ZNF518A: variants seen among roughly 807,000 people sequenced by gnomAD.
The protein encoded by ZNF518A is zinc finger protein 518.
Under a neutral mutation model 102.7 loss-of-function variants are expected in ZNF518A, and 47 were observed. The ratio of observed to expected loss-of-function variants is 0.46; its 90% CI spans 0.36 to 0.58. The LOEUF (loss-of-function observed/expected upper bound fraction) is 0.58, where lower values mean the gene tolerates loss of function less well. Ranked by LOEUF, ZNF518A falls within the 20% of genes least tolerant of loss-of-function variation. ZNF518A has a pLI of 0.00. For missense variants in ZNF518A, 1,793 were observed against 1,699.8 expected (o/e 1.05, Z -0.96); for synonymous variants, 652 against 594.6 (o/e 1.10, Z -1.40).
intron 1 of ZNF518A, among the ~76,000 whole-genome samples, chr10:96,178,056 T>G (rs1374390408): frequency 6.6e-6 from 1 of 152,110 alleles, no homozygotes; most frequent in African/African-American, 2.4e-5. Flanking sequence ...TCTCAGTAAT[T>G]GATAGAACAA....
At chr10:96,189,540 C>T (rs1221813492) in intron 1 of ZNF518A, 18 of 654,602 alleles carry the variant, frequency 2.7e-5, no homozygotes, top group Non-Finnish European at 4.0e-5. Flanking sequence ...TGGTGTTTTA[C>T]GAGTTTTTTC....
Position 96,160,419 on chromosome 10 carries a change from CTA to C in ZNF518A, c.4099_4100del (p.Ile1367CysfsTer2). The C allele has an allele frequency of 6.2e-7, 1 of 1,613,056 alleles. No homozygotes were observed. The highest frequency in any genetic ancestry group is 8.5e-7 in the Non-Finnish European group (1 of 1,179,512). On this transcript the variant is annotated frameshift_variant, in exon 6 of 6. Transcript: ENST00000316045. LOFTEE classifies it high-confidence loss of function. ...CCAGAAGTAGTAAGTGTAATGAAAA[CTA>C]TTGCTAAATTTAATGGACATGTACT... is the stretch of plus-strand genomic sequence containing the variant.
chr10:96,183,207 T>C (rs2083250415), intron 1 of ZNF518A, among the ~76,000 whole-genome samples: 1 of 152,226 alleles, frequency 6.6e-6, no homozygotes, highest in South Asian at 2.1e-4. Context: ...TTGATTCTTC[T>C]CTGTTCTTTA....
In ZNF518A at chr10:96,163,234, A is replaced by C. The variant is rs2083066928; in HGVS notation, c.*2460A>C. 1 of 166,860 alleles carries C rather than the reference A, an allele frequency of 6.0e-6. No individual in the cohort carries two copies. 10.3% of individuals were successfully genotyped at this position (166,860 alleles called of 1,614,324 possible). A position where few individuals can be genotyped will look rare whatever the true frequency, so the allele number is the denominator to read the frequency against. Reference sequence around the variant, plus strand: ...GAACTTTTTCTGATTTTGTTAACTTAAGTTATTCTGAGGGAGGCAGACCTG... The same window carrying C: ...GAACTTTTTCTGATTTTGTTAACTTCAGTTATTCTGAGGGAGGCAGACCTG... On this transcript the variant is annotated 3_prime_UTR_variant, in exon 6 of 6. Coordinates refer to ENST00000316045, the MANE Select transcript of ZNF518A (RefSeq NM_001330736.2).
At chr10:96,190,474 C>T (rs2083311202) in intron 1 of ZNF518A, among the ~76,000 whole-genome samples, 1 of 152,190 alleles carries the variant, frequency 6.6e-6, no homozygotes, top group East Asian at 1.9e-4. Context: ...AATAAGGTCA[C>T]ATTCTGAGAT....
At chr10:96,149,711 C>T (rs1164494643) in intron 3 of ZNF518A, among the ~76,000 whole-genome samples, 1 of 152,090 alleles carries the variant, frequency 6.6e-6, no homozygotes, top group Non-Finnish European at 1.5e-5. Context: ...TGCTATTGCT[C>T]CCTCTTCTGT....
rs782736210 is a variant in ZNF518A at position 96,191,969 on chromosome 10, C to G, written n.36-11605C>G. On this transcript the variant is annotated intron_variant and non_coding_transcript_variant, in intron 1 of 2. Transcript: ENST00000442635. ...GCAATGGTATTGATCTTTTTTTTCC[C>G]CCTTTATGAAACTTTAACTGCATAC... is the stretch of plus-strand genomic sequence containing the variant. 3 of 1,612,948 alleles carry G rather than the reference C, an allele frequency of 1.9e-6. No individual in the cohort carries two copies. The South Asian group carries it at 3.3e-5, about 18-fold the overall frequency.
At chr10:96,199,807 T>A (rs1343798513) in intron 1 of ZNF518A, among the ~76,000 whole-genome samples, 2 of 152,056 alleles carry the variant, frequency 1.3e-5, no homozygotes, top group African/African-American at 4.8e-5. Context: ...GCAGATCAAC[T>A]GAGGTCAGGA....
chr10:96,200,124 C>G lies in ZNF518A; in HGVS notation n.36-3450C>G. On this transcript the variant is annotated intron_variant and non_coding_transcript_variant, in intron 1 of 2. Coordinates refer to the ZNF518A transcript ENST00000442635. This position sits in a 1 kb window ranked among gnomAD's most constrained non-coding sequence, Gnocchi z 4.3. ...TTCAGCAGACTTTCGATCACAGGCT[C>G]CAGCATACCATGGCTTGCAGAGAAC... 1 of 1,614,094 alleles carries G rather than the reference C, an allele frequency of 6.2e-7. No homozygotes were observed. The highest frequency in any genetic ancestry group is 1.1e-5 in the South Asian group (1 of 91,068).
At chr10:96,181,883 G>T (rs973259717) in intron 1 of ZNF518A, among the ~76,000 whole-genome samples, 2 of 152,148 alleles carry the variant, frequency 1.3e-5, no homozygotes, top group African/African-American at 4.8e-5. Flanking sequence ...GAAAGTCATT[G>T]GTAGCTTGAT....
At chr10:96,166,223 C>A (rs2083139474), downstream of ZNF518A, among the ~76,000 whole-genome samples, 1 of 152,154 alleles carries the variant, frequency 6.6e-6, no homozygotes, top group African/African-American at 2.4e-5. Flanking sequence ...GTGGGCAAAT[C>A]TTCCCCATTC....
chr10:96,165,344 G>T (rs966919750), downstream of ZNF518A, among the ~76,000 whole-genome samples: 2 of 152,044 alleles, frequency 1.3e-5, no homozygotes, highest in African/African-American at 4.8e-5. Flanking sequence ...CTGACCTCAA[G>T]TGATTCACCT....
At chr10:96,133,541 A>T (rs1778359714) in intron 2 of ZNF518A, 42 bp from the exon 3 acceptor site, 1 of 152,178 alleles carries the variant, frequency 6.6e-6, no homozygotes, top group African/African-American at 2.4e-5. Flanking sequence ...TGTTTTTTCT[A>T]CCCTCAAAAC....
chr10:96,142,339 TG>T (rs1554876861), intron 3 of ZNF518A, among the ~76,000 whole-genome samples: 4 of 151,578 alleles, frequency 2.6e-5, no homozygotes, highest in Admixed American at 6.6e-5. Flanking sequence ...TGTGTGTGTG[TG>T]TGTGTGTGTG....
At chr10:96,152,109 C>T (rs1477972948) in intron 3 of ZNF518A, among the ~76,000 whole-genome samples, 11 of 152,280 alleles carry the variant, frequency 7.2e-5, no homozygotes, top group African/African-American at 2.6e-4. Flanking sequence ...CTCAGAAGTT[C>T]AACACCAGCC....
intron 1 of ZNF518A, among the ~76,000 whole-genome samples, chr10:96,168,787 TTC>T (rs1169041928): frequency 1.3e-5 from 2 of 152,214 alleles, no homozygotes; most frequent in African/African-American, 4.8e-5. Context: ...GCTTTCAAGA[TTC>T]TCTTTTTGTC....
intron 3 of ZNF518A, among the ~76,000 whole-genome samples, chr10:96,144,134 T>C (rs1227178690): frequency 6.6e-6 from 1 of 152,026 alleles, no homozygotes; most frequent in East Asian, 1.9e-4. Flanking sequence ...TACAGGTGCA[T>C]GCCACCATGC....
chr10:96,156,440 A>G lies in ZNF518A; in HGVS notation c.118A>G (p.Ser40Gly). Reference protein sequence around the residue: ...RSAPKPKISGSIHYALKNVKI... With the variant: ...RSAPKPKISGGIHYALKNVKI... ...GGCACCTAAACCAAAAATTTCAGGA[A>G]GTATTCATTATGCACTAAAAAATGT... is the stretch of plus-strand genomic sequence containing the variant. Residue 40 changes from serine (S) to glycine (G), a missense_variant, in exon 6 of 6, where the codon AGT becomes GGT. Ser to Gly is a moderately conservative substitution (Grantham distance 56). Coordinates refer to ENST00000316045, the MANE Select transcript of ZNF518A (RefSeq NM_001330736.2). 1 of 1,613,238 alleles carries G rather than the reference A, an allele frequency of 6.2e-7. No individual in the cohort carries two copies. Among genetic ancestry groups the G allele is most frequent in the Non-Finnish European group, 8.5e-7 (1 of 1,179,606 alleles).
At chr10:96,154,350 TTCTC>T (rs1436305642) in intron 3 of ZNF518A, among the ~76,000 whole-genome samples, 1 of 151,784 alleles carries the variant, frequency 6.6e-6, no homozygotes, top group Non-Finnish European at 1.5e-5. Context: ...TTTTCTTTCT[TTCTC>T]TTTCTCTGTT....
Sources: gnomAD v4.1 joint callset for allele counts (sites outside exome capture counted in the v4.1 genomes callset) on GRCh38, gnomAD v4.1.1 for gene constraint, Gnocchi (gnomAD v3.1) non-coding constraint, MANE v1.5 for transcripts, NCBI Gene and HGNC (gene_info 2026-07-23, HGNC 2026-07-21) for gene names.